The following LYSMD2 variants were observed in gnomAD, a reference collection of about 807,000 sequenced individuals.
LYSMD2 encodes the protein lysM and putative peptidoglycan-binding domain-containing protein 2.
Under a neutral mutation model 17.7 loss-of-function variants are expected in LYSMD2, and 6 were observed. That is an observed-to-expected ratio of 0.34 (90% CI 0.19 to 0.67). The LOEUF (loss-of-function observed/expected upper bound fraction) is 0.67, where lower values mean the gene tolerates loss of function less well. Ranked by LOEUF, LYSMD2 falls within the 30% of genes least tolerant of loss-of-function variation. The pLI is 0.69. For missense variants in LYSMD2, 237 were observed against 286.7 expected (o/e 0.83, Z 1.25); for synonymous variants, 102 against 129.8 (o/e 0.79, Z 1.45).
At chr15:51,740,808 A>C (rs1369749717), upstream of LYSMD2, among the ~76,000 whole-genome samples, 1 of 152,174 alleles carries the variant, frequency 6.6e-6, no homozygotes, top group Non-Finnish European at 1.5e-5. Flanking sequence ...ATTTAAGGTA[A>C]TAAATAAAAA....
At position 51,737,262 on chromosome 15, in the gene LYSMD2, T is replaced by TGCCCCCCCCCCCCCC; in HGVS notation, c.273+87_273+88insGGGGGGGGGGGGGGC. The TGCCCCCCCCCCCCCC allele has an allele frequency of 5.2e-5, 7 of 134,040 alleles. No individual in the cohort carries two copies. The highest frequency in any genetic ancestry group is 1.9e-4 in the East Asian group (1 of 5,308). 8.3% of individuals were successfully genotyped at this position (134,040 alleles called of 1,614,324 possible). On this transcript the variant is annotated intron_variant, in intron 1 of 2. Coordinates refer to ENST00000267838, the MANE Select transcript of LYSMD2 (RefSeq NM_153374.3). The surrounding 1 kb of genome is among the most constrained non-coding windows in gnomAD (Gnocchi z 4.2). Reference sequence around the variant, plus strand: ...CCATCCCCCAAACCCCCACCCGCAGTCCCACCCCCACCCCCACCGCACCCC... The same window carrying TGCCCCCCCCCCCCCC: ...CCATCCCCCAAACCCCCACCCGCAGTGCCCCCCCCCCCCCCCCCACCCCCACCCCCACCGCACCCC...
At chr15:51,732,997 C>A (rs1441064618) in intron 1 of LYSMD2, among the ~76,000 whole-genome samples, 1 of 152,214 alleles carries the variant, frequency 6.6e-6, no homozygotes, top group Non-Finnish European at 1.5e-5. Flanking sequence ...TTAAATGCAT[C>A]CCAACTCAGA....
intron 1 of LYSMD2, among the ~76,000 whole-genome samples, chr15:51,744,224 G>A (rs2055656516): frequency 6.6e-6 from 1 of 151,994 alleles, no homozygotes; most frequent in African/African-American, 2.4e-5. Context: ...TTCCAATCTT[G>A]GGGGAAAAGC....
At chr15:51,749,487 T>C (rs973801866) in intron 1 of LYSMD2, among the ~76,000 whole-genome samples, 8 of 152,232 alleles carry the variant, frequency 5.3e-5, no homozygotes, top group African/African-American at 1.4e-4. Context: ...TTAACTTAAA[T>C]CATTCCCCTG....
chr15:51,743,645 A>G (rs1169032697), intron 1 of LYSMD2, among the ~76,000 whole-genome samples: 3 of 152,224 alleles, frequency 2.0e-5, no homozygotes, highest in Non-Finnish European at 4.4e-5. Context: ...CAATTTGTCA[A>G]TATCCACAAA....
At chr15:51,725,418 G>A (rs1392221501) in intron 1 of LYSMD2, among the ~76,000 whole-genome samples, 1 of 152,172 alleles carries the variant, frequency 6.6e-6, no homozygotes, top group Admixed American at 6.5e-5. Flanking sequence ...GTTTAAAAAT[G>A]TAAAATTTTT....
intron 1 of LYSMD2, among the ~76,000 whole-genome samples, chr15:51,734,052 G>A (rs11636868): frequency 0.11 from 16,269 of 152,094 alleles, 1,211 homozygotes; most frequent in Middle Eastern, 0.16. Flanking sequence ...GCATGGTGGC[G>A]TGTGCTTAAA....
chr15:51,745,815 T>C (rs1033913169), intron 1 of LYSMD2, among the ~76,000 whole-genome samples: 5 of 152,168 alleles, frequency 3.3e-5, no homozygotes, highest in African/African-American at 1.2e-4. Context: ...TAGACATTTC[T>C]CCAAAGAAGA....
chr15:51,739,462 T>G, upstream of LYSMD2, among the ~76,000 whole-genome samples: 1 of 152,230 alleles, frequency 6.6e-6, no homozygotes. Flanking sequence ...TGGTATCCAG[T>G]GTGTCCATTT....
At chr15:51,726,611 T>C (rs1256392201) in intron 1 of LYSMD2, among the ~76,000 whole-genome samples, 2 of 152,184 alleles carry the variant, frequency 1.3e-5, no homozygotes, top group Non-Finnish European at 2.9e-5. Flanking sequence ...TGGAAGGAGA[T>C]AGGCTGGAGA....
At chr15:51,737,663 G>T, upstream of LYSMD2, 5 of 1,197,132 alleles carry the variant, frequency 4.2e-6, no homozygotes, top group Non-Finnish European at 5.2e-6. This position sits in a 1 kb window ranked among gnomAD's most constrained non-coding sequence, Gnocchi z 4.2. Flanking sequence ...CTTGCCAAGG[G>T]GGCGGCGCCT....
At chr15:51,747,040 A>T (rs1228935540) in intron 1 of LYSMD2, among the ~76,000 whole-genome samples, 2 of 150,832 alleles carry the variant, frequency 1.3e-5, no homozygotes, top group African/African-American at 4.9e-5. Flanking sequence ...AAAAAAAAAA[A>T]AATACGAAAA....
intron 1 of LYSMD2, among the ~76,000 whole-genome samples, chr15:51,733,854 T>C (rs929871742): frequency 6.6e-6 from 1 of 151,972 alleles, no homozygotes; most frequent in Non-Finnish European, 1.5e-5. Flanking sequence ...GGAAGAACAG[T>C]GCTTTGGGAA....
chr15:51,726,640 C>T (rs188005421), intron 1 of LYSMD2, among the ~76,000 whole-genome samples: 181 of 152,306 alleles, frequency 1.2e-3, no homozygotes, highest in Non-Finnish European at 2.3e-3. Flanking sequence ...GTCATCCTGG[C>T]ACCTTGTGGA....
chr15:51,746,645 G>C (rs1050314148), intron 1 of LYSMD2, among the ~76,000 whole-genome samples: 22 of 152,096 alleles, frequency 1.4e-4, no homozygotes, highest in Admixed American at 1.3e-3. Context: ...TTTAGAGAGA[G>C]AGAAAGAGAG....
At chr15:51,747,266 CG>C (rs1326710909) in intron 1 of LYSMD2, among the ~76,000 whole-genome samples, 1 of 151,570 alleles carries the variant, frequency 6.6e-6, no homozygotes, top group African/African-American at 2.4e-5. Context: ...CTGAGGCAGG[CG>C]GATCACTTGA....
At chr15:51,741,868 C>T (rs377041618), upstream of LYSMD2, among the ~76,000 whole-genome samples, 71 of 151,496 alleles carry the variant, frequency 4.7e-4, 2 homozygotes, top group East Asian at 0.012. Context: ...TACAGTGACC[C>T]GAGATAGCAA....
chr15:51,749,996 G>A (rs1161051149), intron 1 of LYSMD2, among the ~76,000 whole-genome samples: 1 of 152,234 alleles, frequency 6.6e-6, no homozygotes, highest in Non-Finnish European at 1.5e-5. Context: ...GCGTGCCAGT[G>A]TTCATCATGC....
intron 1 of LYSMD2, among the ~76,000 whole-genome samples, chr15:51,745,016 T>A (rs2055660427): frequency 6.6e-6 from 1 of 152,050 alleles, no homozygotes; most frequent in African/African-American, 2.4e-5. Context: ...ATAACTTAAA[T>A]AAAGTGAATG....
Sources: allele counts gnomAD v4.1 joint callset (sites outside exome capture counted in the v4.1 genomes callset), GRCh38; gene constraint gnomAD v4.1.1; non-coding constraint Gnocchi (gnomAD v3.1); transcripts MANE v1.5; gene names NCBI Gene and HGNC (gene_info 2026-07-23, HGNC 2026-07-21).